The following COBL variants were observed in gnomAD, a reference collection of about 807,000 sequenced individuals.
The protein encoded by COBL is protein cordon-bleu.
Under a neutral mutation model 98.8 loss-of-function variants are expected in COBL, and 51 were observed. The observed-to-expected ratio is 0.52, with a 90% CI of 0.41 to 0.65. The LOEUF (loss-of-function observed/expected upper bound fraction) is 0.65. COBL is among the 30% of genes least tolerant of loss of function. COBL has a pLI of 0.00. For missense variants in COBL, 1,617 were observed against 1,617.5 expected (o/e 1.00, Z 0.01); for synonymous variants, 634 against 651.7 (o/e 0.97, Z 0.41).
chr7:51,063,995 C>T (rs1329972117), intron 7 of COBL, among the ~76,000 whole-genome samples: 1 of 152,208 alleles, frequency 6.6e-6, no homozygotes, highest in African/African-American at 2.4e-5. Context: ...GGCTCTAGCC[C>T]CATGCTATGT....
At chr7:51,176,444 A>AT (rs982988573) in intron 5 of COBL, among the ~76,000 whole-genome samples, 1 of 152,012 alleles carries the variant, frequency 6.6e-6, no homozygotes, top group African/African-American at 2.4e-5. Flanking sequence ...ATGCACCCAT[A>AT]TTTTTTGAGT....
At chr7:51,294,599 C>T (rs1473012984) in intron 1 of COBL, among the ~76,000 whole-genome samples, 4 of 145,500 alleles carry the variant, frequency 2.7e-5, no homozygotes, top group Non-Finnish European at 5.9e-5. Context: ...GCTGAGATCG[C>T]ACCATTGCAC....
chr7:51,113,143 C>A (rs1387446966), intron 6 of COBL, among the ~76,000 whole-genome samples: 2 of 152,196 alleles, frequency 1.3e-5, no homozygotes, highest in African/African-American at 4.8e-5. Context: ...CCCAGGATGA[C>A]AGCTCATTTG....
intron 6 of COBL, among the ~76,000 whole-genome samples, chr7:51,101,388 A>G (rs775074147): frequency 9.9e-5 from 15 of 152,238 alleles, no homozygotes; most frequent in Admixed American, 3.9e-4. Context: ...ATATGACTCA[A>G]ATCCCCCCAA....
chr7:51,300,683 T>C (rs527339496), intron 1 of COBL, among the ~76,000 whole-genome samples: 30 of 152,288 alleles, frequency 2.0e-4, no homozygotes, highest in Admixed American at 1.9e-3. Context: ...GAGAATGCCT[T>C]CTCCAGGGAG....
In COBL at chr7:51,173,876, G is replaced by A. The variant is rs562384857; in HGVS notation, c.783+10226C>T. ...TTTAGCCAGTATCATATTCCTTTAA[G>A]TATATTTCCTATTAATATTTTATAC... On this transcript the variant is annotated intron_variant, in intron 5 of 12. Transcript: ENST00000265136. Among the ~76,000 whole-genome samples, 3 of 152,180 alleles carry A rather than the reference G, an allele frequency of 2.0e-5. No homozygotes were observed. The South Asian group carries it at 6.2e-4, about 32-fold the overall frequency.
chr7:51,283,642 G>A (rs776332976), intron 1 of COBL, among the ~76,000 whole-genome samples: 5 of 151,944 alleles, frequency 3.3e-5, no homozygotes, highest in South Asian at 4.2e-4. Context: ...GCACCACCAC[G>A]CCCAGCTAAT....
intron 5 of COBL, among the ~76,000 whole-genome samples, chr7:51,138,508 C>T (rs1799444330): frequency 6.6e-6 from 1 of 152,168 alleles, no homozygotes; most frequent in African/African-American, 2.4e-5. Flanking sequence ...CTGGTTTGTA[C>T]AAACACCCCC....
At chr7:51,278,468 C>G (rs1180507341) in intron 1 of COBL, among the ~76,000 whole-genome samples, 1 of 150,624 alleles carries the variant, frequency 6.6e-6, no homozygotes, top group South Asian at 2.1e-4. Flanking sequence ...CAACCTCTGC[C>G]TCCCATGTTC....
At chr7:51,249,929 C>T (rs1358248286) in intron 1 of COBL, among the ~76,000 whole-genome samples, 1 of 152,122 alleles carries the variant, frequency 6.6e-6, no homozygotes, top group Non-Finnish European at 1.5e-5. Flanking sequence ...TGGGGAAACC[C>T]TGTCTCTACT....
intron 6 of COBL, among the ~76,000 whole-genome samples, chr7:51,128,580 T>G (rs6593334): frequency 0.5 from 75,786 of 152,064 alleles, 19,448 homozygotes; most frequent in Middle Eastern, 0.69. Flanking sequence ...TCTTCATATT[T>G]TGTGTGGCCA....
chr7:51,076,305 G>A (rs1295902088), intron 7 of COBL, among the ~76,000 whole-genome samples: 4 of 152,212 alleles, frequency 2.6e-5, no homozygotes, highest in East Asian at 3.8e-4. Flanking sequence ...AATGAGGACT[G>A]GTCCCAACCT....
intron 1 of COBL, among the ~76,000 whole-genome samples, chr7:51,284,883 G>T (rs1424438873): frequency 6.7e-6 from 1 of 150,122 alleles, no homozygotes; most frequent in East Asian, 1.9e-4. Flanking sequence ...CACAAAGAAA[G>T]ACTGAATGTT....
intron 2 of COBL, among the ~76,000 whole-genome samples, chr7:51,207,729 G>A (rs914594841): frequency 1.3e-5 from 2 of 152,276 alleles, no homozygotes; most frequent in Admixed American, 1.3e-4. Context: ...CGTTCACTCA[G>A]TGCTCAATGG....
Position 51,102,961 on chromosome 7 carries a change from G to C in COBL, c.958-17657C>G, listed in dbSNP as rs144152819. Among the ~76,000 whole-genome samples the C allele has an allele frequency of 3.3e-3, 507 of 152,330 alleles. 5 individuals carry two copies. The highest frequency in any genetic ancestry group is 0.011 in the African/African-American group (477 of 41,574). On this transcript the variant is annotated intron_variant, in intron 6 of 12. Transcript: ENST00000265136. ...GTACAAAGTTCCACTGATGCAGGAT[G>C]AATAAGCTCTAGAGATCCGCTGCAC...
chr7:51,053,610 T>G (rs1790440903), intron 7 of COBL, among the ~76,000 whole-genome samples: 1 of 152,216 alleles, frequency 6.6e-6, no homozygotes, highest in Admixed American at 6.5e-5. Flanking sequence ...TACAGGTCAC[T>G]TTCTATAACT....
chr7:51,170,527 AT>A (rs1562991328), intron 5 of COBL, among the ~76,000 whole-genome samples: 6 of 147,070 alleles, frequency 4.1e-5, no homozygotes, highest in African/African-American at 1.2e-4. Flanking sequence ...ATATATATAT[AT>A]ATAAATATAT....
chr7:51,033,600 C>T (rs1244548321), intron 8 of COBL: 1 of 152,192 alleles, frequency 6.6e-6, no homozygotes, highest in Non-Finnish European at 1.5e-5. Flanking sequence ...AAGAAACCAA[C>T]CAGCATGACT....
At chr7:51,172,828 G>T (rs975982053) in intron 5 of COBL, among the ~76,000 whole-genome samples, 1 of 150,108 alleles carries the variant, frequency 6.7e-6, no homozygotes, top group Non-Finnish European at 1.5e-5. Flanking sequence ...TTGCTGTGTC[G>T]CCCGGGCTGG....
Sources: gnomAD v4.1 joint callset for allele counts (sites outside exome capture counted in the v4.1 genomes callset) on GRCh38, gnomAD v4.1.1 for gene constraint, MANE v1.5 for transcripts, NCBI Gene and HGNC (gene_info 2026-07-23, HGNC 2026-07-21) for gene names.